The following IQGAP2 variants were observed in gnomAD, a reference collection of about 807,000 sequenced individuals.
IQGAP2 encodes the protein ras GTPase-activating-like protein IQGAP2.
A neutral mutation model predicts 201.3 loss-of-function variants in IQGAP2; 173 were observed. That is an observed-to-expected ratio of 0.86 (90% CI 0.76 to 0.98). The LOEUF is 0.98. IQGAP2 is among the 50% of genes least tolerant of loss of function. The pLI is 0.00. For synonymous variants in IQGAP2, 675 were observed against 673.9 expected, an observed-to-expected ratio of 1.00 and a Z score of -0.03; for missense variants, 1,687 against 1,864.8, an observed-to-expected ratio of 0.90 and a Z score of 1.76.
chr5:76,413,139 T>TTTTTC (rs1213372733), intron 1 of IQGAP2, among the ~76,000 whole-genome samples: 5 of 150,958 alleles, frequency 3.3e-5, no homozygotes, highest in Non-Finnish European at 7.4e-5. Flanking sequence ...CCTATTTTCT[T>TTTTTC]TTTTCTTTTC....
intron 11 of IQGAP2, 122 bp from the exon 12 acceptor site, chr5:76,606,057 G>T: frequency 1.3e-6 from 1 of 754,116 alleles, no homozygotes; most frequent in South Asian, 2.7e-5. Context: ...AATTTTATTT[G>T]CCTTTCTACT....
intron 14 of IQGAP2, chr5:76,628,666 A>C (rs1182053748): frequency 2.2e-6 from 1 of 455,692 alleles, no homozygotes; most frequent in East Asian, 6.9e-5. Flanking sequence ...TCTTAAGATG[A>C]CTTTGTCTTA....
intron 24 of IQGAP2, among the ~76,000 whole-genome samples, 194 bp downstream of exon 24, chr5:76,672,177 G>A (rs368102182): frequency 3.3e-5 from 5 of 152,152 alleles, no homozygotes; most frequent in East Asian, 1.9e-4. Context: ...TCAGAGCCAG[G>A]TGATCCCCAA....
chr5:76,702,990 T>C (rs1747545208), intron 35 of IQGAP2, among the ~76,000 whole-genome samples: 1 of 128,166 alleles, frequency 7.8e-6, no homozygotes, highest in African/African-American at 2.9e-5. Flanking sequence ...TCTCCTAGAA[T>C]GGTTTTTCTT....
intron 2 of IQGAP2, among the ~76,000 whole-genome samples, chr5:76,487,212 C>A (rs1274700385): frequency 6.6e-6 from 1 of 151,812 alleles, no homozygotes; most frequent in Non-Finnish European, 1.5e-5. Flanking sequence ...AGTTTTCCTG[C>A]CTCAACCTCC....
chr5:76,451,058 C>T (rs999835141), intron 1 of IQGAP2, among the ~76,000 whole-genome samples: 2 of 152,104 alleles, frequency 1.3e-5, no homozygotes, highest in African/African-American at 4.8e-5. Context: ...TAAGTTTTGA[C>T]TTAAAGTCAG....
At chr5:76,480,731 A>T (rs113297072) in intron 2 of IQGAP2, among the ~76,000 whole-genome samples, 1 of 152,224 alleles carries the variant, frequency 6.6e-6, no homozygotes, top group African/African-American at 2.4e-5. Flanking sequence ...GTGAGTTGTC[A>T]TGTAAATGAA....
intron 2 of IQGAP2, among the ~76,000 whole-genome samples, chr5:76,505,298 A>G (rs1468470784): frequency 6.6e-6 from 1 of 152,184 alleles, no homozygotes; most frequent in Non-Finnish European, 1.5e-5. Flanking sequence ...TACACATCTC[A>G]TTTAATCCAG....
intron 30 of IQGAP2, 37 bp from the exon 31 acceptor site, chr5:76,693,318 C>T (rs1746439047): frequency 6.9e-7 from 1 of 1,448,652 alleles, no homozygotes; most frequent in Non-Finnish European, 9.6e-7. Flanking sequence ...ATAAGGACTA[C>T]AGTCTGAAAG....
At chr5:76,424,466 C>T (rs1751890911) in intron 1 of IQGAP2, among the ~76,000 whole-genome samples, 1 of 152,140 alleles carries the variant, frequency 6.6e-6, no homozygotes, top group Admixed American at 6.5e-5. Context: ...TGCCACCATG[C>T]CCGGCTCATT....
intron 13 of IQGAP2, chr5:76,617,920 A>C (rs1749154700): frequency 1.9e-6 from 3 of 1,614,146 alleles, no homozygotes; most frequent in South Asian, 1.1e-5. Flanking sequence ...AAGGAGATGA[A>C]GTAATAGAGT....
intron 2 of IQGAP2, among the ~76,000 whole-genome samples, chr5:76,540,032 C>T (rs150670893): frequency 6.6e-6 from 1 of 152,216 alleles, no homozygotes; most frequent in East Asian, 1.9e-4. Flanking sequence ...TAGGGGTCTC[C>T]ATGGACATCA....
chr5:76,701,112 A>T lies in IQGAP2; in HGVS notation c.4404A>T (p.Gly1468=). Reference sequence around the variant, plus strand: ...GATCAATTAAACTAGATGGAAAAGGAGAACCCAAAGGGGCGAAGAGAGCGA... The same window carrying T: ...GATCAATTAAACTAGATGGAAAAGGTGAACCCAAAGGGGCGAAGAGAGCGA... The part of the protein sequence containing the change: ...TRRSIKLDGK[G]EPKGAKRAKP... The change falls in exon 34 of 36, where the codon GGA becomes GGT. Residue 1468 remains glycine (G), a synonymous_variant. Transcript: ENST00000274364. 6.2e-7 allele frequency: 1 copy of T among 1,614,188 alleles called. No homozygotes were observed. Among genetic ancestry groups the T allele is most frequent in the South Asian group, 1.1e-5 (1 of 91,090 alleles).
At chr5:76,597,715 G>A in intron 10 of IQGAP2, 113 bp downstream of exon 10, 1 of 1,119,158 alleles carries the variant, frequency 8.9e-7, no homozygotes, top group Non-Finnish European at 1.3e-6. Context: ...ATTTGTACCA[G>A]TCCTGGTCTC....
At chr5:76,473,940 A>C (rs1190421133) in intron 2 of IQGAP2, among the ~76,000 whole-genome samples, 1 of 152,188 alleles carries the variant, frequency 6.6e-6, no homozygotes. Context: ...ATCATTATTC[A>C]AGGCATAGAG....
At chr5:76,701,264 G>A (rs374239541) in intron 34 of IQGAP2, 51 bp downstream of exon 34, 19 of 1,590,126 alleles carry the variant, frequency 1.2e-5, no homozygotes, top group Middle Eastern at 1.7e-4. Flanking sequence ...TTGATTTCTT[G>A]TGGCCTTGGA....
At chr5:76,544,757 T>C (rs75291218) in intron 2 of IQGAP2, among the ~76,000 whole-genome samples, 9,513 of 152,226 alleles carry the variant, frequency 0.062, 714 homozygotes, top group East Asian at 0.42. Flanking sequence ...CAGTGAAAAT[T>C]ATATCTTTCT....
chr5:76,683,268 G>C (rs571155127), intron 29 of IQGAP2, 51 bp downstream of exon 29: 1 of 1,211,110 alleles, frequency 8.3e-7, no homozygotes, highest in East Asian at 2.4e-5. Flanking sequence ...TAATTGGGTG[G>C]GTTGGTTGGT....
At chr5:76,473,746 C>T (rs1380537154) in intron 2 of IQGAP2, among the ~76,000 whole-genome samples, 1 of 152,190 alleles carries the variant, frequency 6.6e-6, no homozygotes, top group African/African-American at 2.4e-5. Flanking sequence ...TCCATACCAC[C>T]TTCAATTCAT....
Sources: allele counts gnomAD v4.1 joint callset (sites outside exome capture counted in the v4.1 genomes callset), GRCh38; gene constraint gnomAD v4.1.1; transcripts MANE v1.5; gene names NCBI Gene and HGNC (gene_info 2026-07-23, HGNC 2026-07-21).